The following SPECC1 variants were observed in gnomAD, a reference collection of about 807,000 sequenced individuals.
SPECC1 encodes sperm antigen with calponin homology and coiled-coil domains 1.
A neutral mutation model predicts 104.1 loss-of-function variants in SPECC1; 62 were observed. The observed-to-expected ratio is 0.60, with a 90% CI of 0.49 to 0.74. The LOEUF is 0.74. Among genes scored for constraint, SPECC1 ranks in the 30% least tolerant of loss-of-function variants. The pLI is 0.00. For missense variants in SPECC1, 1,306 were observed against 1,310.5 expected (o/e 1.00, Z 0.05); for synonymous variants, 513 against 501.6 (o/e 1.02, Z -0.30).
chr17:20,209,561 A>G (rs2037000277), intron 4 of SPECC1, among the ~76,000 whole-genome samples: 1 of 151,162 alleles, frequency 6.6e-6, no homozygotes, highest in Non-Finnish European at 1.5e-5. Context: ...TTTTCTTCTC[A>G]TTTCTTTTTC....
At chr17:20,027,203 A>G (rs1038030038) in intron 1 of SPECC1, among the ~76,000 whole-genome samples, 3 of 152,212 alleles carry the variant, frequency 2.0e-5, no homozygotes, top group Non-Finnish European at 2.9e-5. Context: ...TACTGGCAGA[A>G]TGATAGTGAC....
At position 20,140,343 on chromosome 17, in the gene SPECC1, G is replaced by A. The variant is rs532585930; in HGVS notation, c.283+29781G>A. Reference sequence around the variant, plus strand: ...CCAGTTTTAGTTTTTTTAAACATGAGAAAGAACGAAAATACTTAAGAGGAA... The same window carrying A: ...CCAGTTTTAGTTTTTTTAAACATGAAAAAGAACGAAAATACTTAAGAGGAA... On this transcript the variant is annotated intron_variant, in intron 3 of 14. Transcript: ENST00000395527. Among the ~76,000 whole-genome samples, 345 of 152,070 alleles carry A rather than the reference G, an allele frequency of 2.3e-3. 7 individuals carry two copies. The highest frequency in any genetic ancestry group is 0.017 in the South Asian group (84 of 4,814).
rs1482986496 is a variant in SPECC1 at position 20,060,901 on chromosome 17, A to T, written c.-21-35730A>T. On this transcript the variant is annotated intron_variant, in intron 1 of 14. Transcript: ENST00000395527. ...ACCAGTGCATACATATTACGAAAAT[A>T]TATTGTGTAAAAGCAGTAACTTGTA... Among the ~76,000 whole-genome samples, 6 of 152,212 alleles carry T rather than the reference A, an allele frequency of 3.9e-5. No individual in the cohort carries two copies. The East Asian group carries it at 1.2e-3, about 29-fold the overall frequency.
chr17:20,146,008 A>G (rs951825908), intron 3 of SPECC1, among the ~76,000 whole-genome samples: 6 of 152,222 alleles, frequency 3.9e-5, no homozygotes, highest in Non-Finnish European at 7.3e-5. Flanking sequence ...CAGACTCCCA[A>G]GTTACTAACT....
Position 20,232,186 on chromosome 17 carries a change from T to A in SPECC1, c.2146-14T>A. 1 of 1,613,610 alleles carries A rather than the reference T, an allele frequency of 6.2e-7. No individual in the cohort carries two copies. Among genetic ancestry groups the A allele is most frequent in the South Asian group, 1.1e-5 (1 of 91,058 alleles). On this transcript the variant is annotated splice_polypyrimidine_tract_variant and intron_variant, in intron 6 of 14. Transcript: ENST00000395527. Reference sequence around the variant, plus strand: ...GCAGGCGTCTGACATAAGGATGGGCTCTGACATTTTCAGGAGGAGACCGAG... The same window carrying A: ...GCAGGCGTCTGACATAAGGATGGGCACTGACATTTTCAGGAGGAGACCGAG...
At chr17:20,240,621 T>C (rs1029127143) in intron 7 of SPECC1, among the ~76,000 whole-genome samples, 4 of 152,184 alleles carry the variant, frequency 2.6e-5, no homozygotes, top group Admixed American at 2.6e-4. Flanking sequence ...TCCCACTGGG[T>C]AGCACTGTTT....
intron 2 of SPECC1, among the ~76,000 whole-genome samples, chr17:20,105,040 T>C (rs1349429189): frequency 1.3e-5 from 2 of 152,084 alleles, no homozygotes; most frequent in Admixed American, 1.3e-4. Flanking sequence ...AATAAAATGC[T>C]TTAAATTTTT....
chr17:20,064,636 A>G (rs1363327190), intron 1 of SPECC1, among the ~76,000 whole-genome samples: 1 of 152,134 alleles, frequency 6.6e-6, no homozygotes, highest in Non-Finnish European at 1.5e-5. Context: ...GACCTTCGGC[A>G]TATGAATTCA....
At chr17:20,191,723 C>G (rs138597768) in intron 3 of SPECC1, among the ~76,000 whole-genome samples, 210 of 152,094 alleles carry the variant, frequency 1.4e-3, no homozygotes, top group Middle Eastern at 3.4e-3. Flanking sequence ...TGTTCAGCTC[C>G]TACTTATGAG....
At chr17:20,080,789 A>G (rs2046939990) in intron 1 of SPECC1, among the ~76,000 whole-genome samples, 1 of 152,006 alleles carries the variant, frequency 6.6e-6, no homozygotes, top group Non-Finnish European at 1.5e-5. Flanking sequence ...GCGGTACAGC[A>G]GCTTTTTTGA....
chr17:20,223,207 G>A (rs143299297), intron 4 of SPECC1, among the ~76,000 whole-genome samples: 38 of 151,632 alleles, frequency 2.5e-4, no homozygotes, highest in African/African-American at 9.2e-4. Flanking sequence ...TGTAGATCTT[G>A]TATGTGTGCT....
At chr17:20,094,484 G>A (rs937894167) in intron 1 of SPECC1, among the ~76,000 whole-genome samples, 1 of 152,180 alleles carries the variant, frequency 6.6e-6, no homozygotes, top group African/African-American at 2.4e-5. Context: ...GGAAAAGGTT[G>A]ACAGGGAAAA....
intron 2 of SPECC1, among the ~76,000 whole-genome samples, chr17:20,105,613 A>C (rs1017348070): frequency 6.6e-6 from 1 of 152,054 alleles, no homozygotes; most frequent in Non-Finnish European, 1.5e-5. Flanking sequence ...CCCAGCCCTG[A>C]GCATGGTGCT....
intron 3 of SPECC1, among the ~76,000 whole-genome samples, chr17:20,167,549 AT>A (rs2033760259): frequency 6.6e-6 from 1 of 152,152 alleles, no homozygotes. Flanking sequence ...ATAGTGGTGC[AT>A]GCCTGTAATC....
In SPECC1 at chr17:20,238,465, A is replaced by G. The variant is rs1179271031; in HGVS notation, c.2351+6060A>G. On this transcript the variant is annotated intron_variant, in intron 7 of 14. Transcript: ENST00000395527. ...TGTACACAGCATGGAGCCATTAGTGACGTTATCCAAAGGATGAGACAAGAC... is the reference window on the plus strand; with the variant it reads ...TGTACACAGCATGGAGCCATTAGTGGCGTTATCCAAAGGATGAGACAAGAC... 2.9e-6 allele frequency: 3 copies of G among 1,042,376 alleles called. No homozygotes were observed. The East Asian group carries it at 1.7e-4, about 60-fold the overall frequency. The allele number at this position is 1,042,376 out of a possible 1,614,324, so 64.6% of individuals were successfully genotyped here. A position where few individuals can be genotyped will look rare whatever the true frequency, so the allele number is the denominator to read the frequency against.
Position 20,224,138 on chromosome 17 carries a change from G to C in SPECC1, c.1864-3275G>C, listed in dbSNP as rs982269261. Among the ~76,000 whole-genome samples the C allele has an allele frequency of 3.3e-5, 5 of 152,322 alleles. No individual in the cohort carries two copies. The East Asian group carries it at 9.6e-4, about 29-fold the overall frequency. ...TGGTGATCCTAGATAAGATCTAGGA[G>C]AATTTCCCGGTTTATGAGGCAGAGT... is the stretch of plus-strand genomic sequence containing the variant. On this transcript the variant is annotated intron_variant, in intron 4 of 14. Coordinates refer to ENST00000395527, the MANE Select transcript of SPECC1 (RefSeq NM_001243439.2).
chr17:20,217,462 C>G (rs972176554), intron 4 of SPECC1, among the ~76,000 whole-genome samples: 1 of 152,136 alleles, frequency 6.6e-6, no homozygotes, highest in Non-Finnish European at 1.5e-5. Context: ...GGACAGCAGC[C>G]TCACCTGCAA....
chr17:20,092,529 A>G (rs988796731), intron 1 of SPECC1, among the ~76,000 whole-genome samples: 9 of 152,038 alleles, frequency 5.9e-5, no homozygotes, highest in Non-Finnish European at 1.3e-4. Flanking sequence ...TCACATTTCC[A>G]AGTGAAAATA....
chr17:20,018,360 A>C (rs961937807), intron 1 of SPECC1, among the ~76,000 whole-genome samples: 1 of 152,184 alleles, frequency 6.6e-6, no homozygotes, highest in Non-Finnish European at 1.5e-5. Context: ...ATTCCATTGA[A>C]TTTTAAGACA....
Sources: allele counts gnomAD v4.1 joint callset (sites outside exome capture counted in the v4.1 genomes callset), GRCh38; gene constraint gnomAD v4.1.1; transcripts MANE v1.5; gene names NCBI Gene and HGNC (gene_info 2026-07-23, HGNC 2026-07-21).